The following DPP6 variants were observed in gnomAD, a reference collection of about 807,000 sequenced individuals.
DPP6 encodes dipeptidyl peptidase like 6.
In DPP6, 69 loss-of-function variants were observed where a neutral mutation model predicts 122.6. That is an observed-to-expected ratio of 0.56 (90% CI 0.46 to 0.69). The LOEUF is 0.69. Ranked by LOEUF, DPP6 falls within the 30% of genes least tolerant of loss-of-function variation. The pLI is 0.00. For synonymous variants in DPP6, 418 were observed against 433.1 expected (o/e 0.97, Z 0.43); for missense variants, 928 against 1,116.9 (o/e 0.83, Z 2.41).
chr7:154,711,178 TATAGAG>T (rs1378530285), intron 7 of DPP6, among the ~76,000 whole-genome samples: 1 of 152,210 alleles, frequency 6.6e-6, no homozygotes, highest in Non-Finnish European at 1.5e-5. Flanking sequence ...TTTTAATTGA[TATAGAG>T]AGAGAATCTA....
At chr7:153,882,961 C>T (rs758444004), upstream of DPP6, among the ~76,000 whole-genome samples, 7 of 152,110 alleles carry the variant, frequency 4.6e-5, no homozygotes, top group Non-Finnish European at 7.3e-5. Context: ...AGAAACAGTG[C>T]GGTGAGAATC....
chr7:154,628,418 A>G (rs564731591), intron 5 of DPP6, among the ~76,000 whole-genome samples: 7 of 152,246 alleles, frequency 4.6e-5, no homozygotes, highest in Admixed American at 2.6e-4. Flanking sequence ...ACTTGCTCCA[A>G]GCATCTCTCA....
chr7:154,026,326 AT>A (rs1345656175), intron 1 of DPP6: 1 of 151,772 alleles, frequency 6.6e-6, no homozygotes, highest in African/African-American at 2.4e-5. Context: ...CTTTTATTTT[AT>A]TCTGATTTGA....
chr7:154,689,547 C>A (rs1219009074), intron 7 of DPP6, among the ~76,000 whole-genome samples: 1 of 151,376 alleles, frequency 6.6e-6, no homozygotes, highest in African/African-American at 2.4e-5. Flanking sequence ...TTAATATATA[C>A]CTAGCTAGAT....
At chr7:153,836,227 C>G in the DPP6 span, among the ~76,000 whole-genome samples, 5 of 152,184 alleles carry the variant, frequency 3.3e-5, no homozygotes, top group African/African-American at 1.2e-4. Flanking sequence ...AAATCAAACC[C>G]TTGTGTGCCT....
At chr7:154,257,913 C>G (rs1296019536) in intron 1 of DPP6, among the ~76,000 whole-genome samples, 1 of 152,198 alleles carries the variant, frequency 6.6e-6, no homozygotes. Context: ...TCCTTGGCAT[C>G]AGCCAGATCC....
At chr7:154,198,313 A>ATT (rs5888561) in intron 1 of DPP6, among the ~76,000 whole-genome samples, 123,532 of 148,218 alleles carry the variant, frequency 0.83, 51,604 homozygotes, top group Non-Finnish European at 0.85. Flanking sequence ...CACATATTTT[A>ATT]TTATTATTTT....
At chr7:154,473,383 A>G (rs555103071) in intron 2 of DPP6, among the ~76,000 whole-genome samples, 4 of 152,192 alleles carry the variant, frequency 2.6e-5, no homozygotes, top group Non-Finnish European at 5.9e-5. Flanking sequence ...ATAGCTCCAT[A>G]TACAGTCATG....
In DPP6 at chr7:154,514,381, T is replaced by A. The variant is rs575289475; in HGVS notation, c.458-26151T>A. On this transcript the variant is annotated intron_variant, in intron 3 of 25. Coordinates refer to ENST00000377770, the MANE Select transcript of DPP6 (RefSeq NM_130797.4). ...CATTTTTCTTTCTCAGGAATTCTTT[T>A]TTTTCAATTGCTGTTAAATATATAA... 3.3e-5 allele frequency among the ~76,000 whole-genome samples: 5 copies of A among 152,336 alleles called. No individual in the cohort carries two copies. In the South Asian group the frequency reaches 1.0e-3, roughly 32 times the overall value.
At chr7:154,663,172 C>T (rs1586838651) in intron 6 of DPP6, among the ~76,000 whole-genome samples, 2 of 73,936 alleles carry the variant, frequency 2.7e-5, no homozygotes, top group East Asian at 5.0e-4. Flanking sequence ...GGCGTATTGG[C>T]GGTAGTGTTC....
the DPP6 span, among the ~76,000 whole-genome samples, chr7:153,877,016 A>G: frequency 2.0e-5 from 3 of 152,064 alleles, no homozygotes; most frequent in Admixed American, 6.6e-5. Context: ...TCTGGGAGTG[A>G]GTGGTGAGTG....
intron 7 of DPP6, among the ~76,000 whole-genome samples, chr7:154,681,317 C>T (rs1287623095): frequency 6.6e-6 from 1 of 152,332 alleles, no homozygotes; most frequent in East Asian, 1.9e-4. Context: ...GCCCCCACAT[C>T]AGCCTCGGCA....
chr7:154,011,211 C>G lies in DPP6; in HGVS notation c.51+123477C>G, dbSNP rs561452528. ...CTCTGTTCCTGAAGGCTTGCATATTCCATCACAGAACTTCCTCTTGGGATG... is the reference window on the plus strand; with the variant it reads ...CTCTGTTCCTGAAGGCTTGCATATTGCATCACAGAACTTCCTCTTGGGATG... On this transcript the variant is annotated intron_variant, in intron 1 of 25. Transcript: ENST00000404039. 3.9e-3 allele frequency among the ~76,000 whole-genome samples: 599 copies of G among 152,312 alleles called. 6 individuals carry two copies. The highest frequency in any genetic ancestry group is 0.014 in the African/African-American group (564 of 41,532).
intron 4 of DPP6, among the ~76,000 whole-genome samples, chr7:154,562,786 G>A (rs370735985): frequency 6.6e-6 from 1 of 151,992 alleles, no homozygotes. Flanking sequence ...TTGCATATTA[G>A]CAATAATCAA....
the DPP6 span, among the ~76,000 whole-genome samples, chr7:153,866,495 G>A: frequency 6.6e-6 from 1 of 151,852 alleles, no homozygotes; most frequent in Non-Finnish European, 1.5e-5. Flanking sequence ...CTTTTTGATG[G>A]GGTTGTTTTT....
At chr7:154,247,744 A>G (rs1210921651) in intron 1 of DPP6, among the ~76,000 whole-genome samples, 2 of 152,154 alleles carry the variant, frequency 1.3e-5, no homozygotes, top group African/African-American at 4.8e-5. Context: ...AGTCTACTGC[A>G]CTCTTAGGTA....
rs566203231 is a variant in DPP6 at position 153,887,478 on chromosome 7, G to C, written c.-206G>C. 69 of 510,698 alleles carry C rather than the reference G, an allele frequency of 1.4e-4. 1 individual carries two copies. The East Asian group carries it at 2.0e-3, about 15-fold the overall frequency. 31.6% of individuals were successfully genotyped at this position (510,698 alleles called of 1,614,324 possible). On this transcript the variant is annotated 5_prime_UTR_variant, in exon 1 of 26. Coordinates refer to the DPP6 transcript ENST00000404039. ...TCTTTATTGGTAGCGGCCAAAAAGA[G>C]TTGATTGCTATTGGGATCCGCTGAG...
intron 5 of DPP6, among the ~76,000 whole-genome samples, chr7:154,623,225 T>C (rs1371567146): frequency 2.0e-5 from 3 of 152,232 alleles, no homozygotes; most frequent in Non-Finnish European, 2.9e-5. Context: ...TGATACATCC[T>C]GAGGGTGTAT....
intron 8 of DPP6, among the ~76,000 whole-genome samples, chr7:154,752,685 G>A (rs1843452758): frequency 6.6e-6 from 1 of 152,166 alleles, no homozygotes; most frequent in African/African-American, 2.4e-5. Flanking sequence ...TCCACCGCAG[G>A]AGGCTGTAGC....
Sources: gnomAD v4.1 joint callset for allele counts (sites outside exome capture counted in the v4.1 genomes callset) on GRCh38, gnomAD v4.1.1 for gene constraint, MANE v1.5 for transcripts, NCBI Gene and HGNC (gene_info 2026-07-23, HGNC 2026-07-21) for gene names.